Variants in F8 observed in about 807,000 individuals in gnomAD.
F8 encodes the protein coagulation factor VIII.
A neutral mutation model predicts 140.6 loss-of-function variants in F8; 12 were observed. The observed-to-expected ratio is 0.09, with a 90% CI of 0.05 to 0.14. The LOEUF (loss-of-function observed/expected upper bound fraction) is 0.14. F8 is among the 10% of genes least tolerant of loss of function. The pLI is 1.00. For missense variants in F8, 1,354 were observed against 1,720.7 expected (o/e 0.79, Z 3.77); for synonymous variants, 585 against 614.6 (o/e 0.95, Z 0.71).
At chrX:154,860,340 G>C (rs2072680085) in intron 25 of F8, 92 bp downstream of exon 25, 1 of 956,484 alleles carries the variant, frequency 1.0e-6, no homozygotes, top group East Asian at 3.1e-5. Flanking sequence ...CTGAAAATTT[G>C]GTCATATATC....
chrX:154,952,797 C>G (rs186653935), intron 12 of F8, among the ~76,000 whole-genome samples: 117 of 111,711 alleles, frequency 1.0e-3, no homozygotes, highest in African/African-American at 3.7e-3. Context: ...CTGCCTCGGC[C>G]TCCCAAAGTG....
chrX:154,917,976 T>C (rs5945121), intron 14 of F8, among the ~76,000 whole-genome samples: 1,376 of 112,033 alleles, frequency 0.012, 26 homozygotes, highest in African/African-American at 0.042. Flanking sequence ...TTTGCTCTTG[T>C]TTTTTATGCA....
chrX:154,945,641 A>G (rs1167232876), intron 13 of F8, among the ~76,000 whole-genome samples: 1 of 112,207 alleles, frequency 8.9e-6, no homozygotes, highest in Non-Finnish European at 1.9e-5. Context: ...TATCATACCA[A>G]ATGTGGAAAA....
intron 22 of F8, 53 bp from the exon 23 acceptor site, chrX:154,863,280 C>A: frequency 9.3e-7 from 1 of 1,076,849 alleles, no homozygotes; most frequent in East Asian, 3.0e-5. Flanking sequence ...GAGTAAAAAG[C>A]AATTTCTGTC....
At chrX:154,912,943 G>A (rs1173008269) in intron 14 of F8, among the ~76,000 whole-genome samples, 1 of 110,677 alleles carries the variant, frequency 9.0e-6, no homozygotes, top group Admixed American at 9.6e-5. Flanking sequence ...CATGAGAACA[G>A]CATGGGGGAA....
At chrX:154,942,633 T>C (rs1159837885) in intron 13 of F8, among the ~76,000 whole-genome samples, 2 of 111,089 alleles carry the variant, frequency 1.8e-5, no homozygotes, top group African/African-American at 6.6e-5. Context: ...TTCCAATCAA[T>C]AGAAAAAGAG....
At chrX:154,847,772 T>C (rs1439317928) in intron 25 of F8, among the ~76,000 whole-genome samples, 1 of 113,162 alleles carries the variant, frequency 8.8e-6, no homozygotes, top group East Asian at 2.8e-4. Context: ...ATCTGAAGCC[T>C]TCTTCTCTCA....
Position 154,919,901 on chromosome X carries a change from C to T in F8, c.5219+8670G>A, listed in dbSNP as rs1211140849. 1.3e-4 allele frequency: 27 copies of T among 209,049 alleles called. No individual in the cohort carries two copies. In the Admixed American group the frequency reaches 1.3e-3, roughly 10 times the overall value. 17.2% of individuals were successfully genotyped at this position (209,049 alleles called of 1,213,427 possible). On this transcript the variant is annotated intron_variant, in intron 14 of 25. Transcript: ENST00000360256. Reference sequence around the variant, plus strand: ...TCTAAGTCCTTTCCTAAGGGCGACTCCTCAGCCTCATTAGGGTCCTCCCCT... The same window carrying T: ...TCTAAGTCCTTTCCTAAGGGCGACTTCTCAGCCTCATTAGGGTCCTCCCCT...
Position 154,930,361 on chromosome X carries a change from G to A in F8, c.3429C>T (p.Pro1143=). 8.3e-7 allele frequency: 1 copy of A among 1,209,900 alleles called. No homozygotes were observed. Among genetic ancestry groups the A allele is most frequent in the Non-Finnish European group, 1.1e-6 (1 of 894,097 alleles). Residue 1143 remains proline, a synonymous_variant, in exon 14 of 26, where the codon CCC becomes CCT. Coordinates refer to ENST00000360256, the MANE Select transcript of F8 (RefSeq NM_000132.4). Reference sequence around the variant, plus strand: ...CTAAGGATACTAATTGCTTTGGACTGGGGCCTTGCCCAGAGTTCAGAGAGT... The same window carrying A: ...CTAAGGATACTAATTGCTTTGGACTAGGGCCTTGCCCAGAGTTCAGAGAGT... The part of the protein sequence containing the change: ...GKNSLNSGQG[P]SPKQLVSLGP...
At chrX:154,914,903 G>T (rs1448820315) in intron 14 of F8, among the ~76,000 whole-genome samples, 1 of 111,186 alleles carries the variant, frequency 9.0e-6, no homozygotes, top group Non-Finnish European at 1.9e-5. Context: ...TTATAGCAGT[G>T]CCCCCCCTAC....
intron 13 of F8, among the ~76,000 whole-genome samples, chrX:154,932,381 A>G (rs2073202834): frequency 8.9e-6 from 1 of 112,238 alleles, no homozygotes; most frequent in Non-Finnish European, 1.9e-5. Context: ...AAGGAATGCA[A>G]CAAGTTATAA....
At chrX:154,901,285 G>T in intron 20 of F8, 86 bp downstream of exon 20, 1 of 651,834 alleles carries the variant, frequency 1.5e-6, no homozygotes, top group Non-Finnish European at 2.6e-6. Context: ...GCATGGAGAT[G>T]GATTCATTAT....
chrX:154,838,622 G>T (rs1486703363), intron 25 of F8, among the ~76,000 whole-genome samples: 2 of 112,080 alleles, frequency 1.8e-5, no homozygotes, highest in East Asian at 5.6e-4. Context: ...AAATGGGAAA[G>T]AAGTGGTTAA....
In F8 at chrX:154,965,291, A is replaced by G. The variant is rs1354879826; in HGVS notation, c.1443+679T>C. ...GTTTGGCAGTATCTAACAAAACTCC[A>G]TATCTAAAAACCAGTGTTCTTCATG... On this transcript the variant is annotated intron_variant, in intron 9 of 25. Coordinates refer to ENST00000360256, the MANE Select transcript of F8 (RefSeq NM_000132.4). Among the ~76,000 whole-genome samples, 3 of 111,873 alleles carry G rather than the reference A, an allele frequency of 2.7e-5. No individual in the cohort carries two copies. The Admixed American group carries it at 2.9e-4, about 11-fold the overall frequency.
chrX:154,901,330 T>C (rs782096960), intron 20 of F8, 41 bp downstream of exon 20: 33 of 854,361 alleles, frequency 3.9e-5, no homozygotes, highest in Non-Finnish European at 5.4e-5. Flanking sequence ...AAAAAAGATA[T>C]AATCAGCCCA....
intron 11 of F8, among the ~76,000 whole-genome samples, chrX:154,955,554 C>T (rs1029701974): frequency 9.2e-6 from 1 of 109,155 alleles, no homozygotes; most frequent in Non-Finnish European, 1.9e-5. Flanking sequence ...ACCTAAGTGT[C>T]GGCCGGTCTG....
chrX:154,873,170 T>TA (rs1226600770), intron 22 of F8, among the ~76,000 whole-genome samples: 2 of 101,449 alleles, frequency 2.0e-5, no homozygotes, highest in African/African-American at 3.6e-5. Flanking sequence ...TTCACAGAAA[T>TA]AAAAAAAAAA....
rs782497572 is a variant in F8 at position 154,993,090 on chromosome X, A to G, written c.447T>C (p.Pro149=). The change falls in exon 4 of 26, where the codon CCT becomes CCC. Residue 149 remains proline (P), a synonymous_variant. Coordinates refer to ENST00000360256, the MANE Select transcript of F8 (RefSeq NM_000132.4). ...QREKEDDKVF[P]GGSHTYVWQV... ...GCCAGACATATGTATGGCTTCCACCAGGGAAGACTTTATCATCTTCTTTCT... is the reference window on the plus strand; with the variant it reads ...GCCAGACATATGTATGGCTTCCACCGGGGAAGACTTTATCATCTTCTTTCT... 4 of 1,210,313 alleles carry G rather than the reference A, an allele frequency of 3.3e-6. No individual in the cohort carries two copies. In the African/African-American group the frequency reaches 7.0e-5, roughly 21 times the overall value.
chrX:154,957,108 A>G lies in F8; in HGVS notation c.1601T>C (p.Val534Ala), dbSNP rs1557281261. The change falls in exon 11 of 26, where the codon GTG becomes GCG. Residue 534 changes from valine (V) to alanine (A), a missense_variant. This residue lies in a region of F8 where 252 missense variants were observed against 338.5 expected (regional missense o/e 0.74). Coordinates refer to ENST00000360256, the MANE Select transcript of F8 (RefSeq NM_000132.4). ...TTTAGTTGGCCCATCTTCTACAGTC[A>G]CTGTCCATTTATATTTGAATATTTC... ...PGEIFKYKWT[V>A]TVEDGPTKSD... 2 of 1,209,502 alleles carry G rather than the reference A, an allele frequency of 1.7e-6. No individual in the cohort carries two copies. Among genetic ancestry groups the G allele is most frequent in the Non-Finnish European group, 1.1e-6 (1 of 894,999 alleles).
Sources: allele counts gnomAD v4.1 joint callset (sites outside exome capture counted in the v4.1 genomes callset), GRCh38; gene constraint gnomAD v4.1.1; regional missense constraint gnomAD v4.1.1; transcripts MANE v1.5; gene names NCBI Gene and HGNC (gene_info 2026-07-23, HGNC 2026-07-21).